C12orf42: variants seen among roughly 807,000 people sequenced by gnomAD.
C12orf42 encodes chromosome 12 open reading frame 42.
A neutral mutation model predicts 21.6 loss-of-function variants in C12orf42; 25 were observed. That is an observed-to-expected ratio of 1.16 (90% confidence interval 0.84 to 1.62). The LOEUF (loss-of-function observed/expected upper bound fraction) is 1.62, where lower values mean the gene tolerates loss of function less well. Ranked by LOEUF, C12orf42 falls within the 40% of genes most tolerant of loss-of-function variation. C12orf42 has a pLI of 0.00. For missense variants in C12orf42, 483 were observed against 459.3 expected, an observed-to-expected ratio of 1.05 and a Z score of -0.47; for synonymous variants, 174 against 175.0, an observed-to-expected ratio of 0.99 and a Z score of 0.05.
At chr12:103,162,645 C>T in the C12orf42 span, 1 of 152,016 alleles carries the variant, frequency 6.6e-6, no homozygotes, top group African/African-American at 2.4e-5. Flanking sequence ...CTGCATGACT[C>T]CAAAGGCAGG....
At chr12:103,097,259 T>C in the C12orf42 span, among the ~76,000 whole-genome samples, 1 of 150,248 alleles carries the variant, frequency 6.7e-6, no homozygotes, top group Non-Finnish European at 1.5e-5. Context: ...GCCGGTGGGT[T>C]TGGAGATGAT....
chr12:103,278,357 T>C (rs2035903750), intron 4 of C12orf42, among the ~76,000 whole-genome samples: 1 of 152,224 alleles, frequency 6.6e-6, no homozygotes, highest in Non-Finnish European at 1.5e-5. Flanking sequence ...TCTCTGTTTT[T>C]TCTCCACTAA....
the C12orf42 span, among the ~76,000 whole-genome samples, chr12:103,204,127 G>A: frequency 5.3e-5 from 8 of 152,086 alleles, no homozygotes; most frequent in African/African-American, 1.9e-4. Context: ...GAGATGCACA[G>A]GGGAAAAGGA....
At chr12:103,113,012 G>C in the C12orf42 span, among the ~76,000 whole-genome samples, 1 of 152,130 alleles carries the variant, frequency 6.6e-6, no homozygotes, top group Non-Finnish European at 1.5e-5. Context: ...TGAACTTGTA[G>C]AGTCCCAAGG....
chr12:103,187,577 G>A, the C12orf42 span, among the ~76,000 whole-genome samples: 1 of 152,186 alleles, frequency 6.6e-6, no homozygotes, highest in South Asian at 2.1e-4. Context: ...GCCAATGTAT[G>A]GTCTTTTCAT....
At chr12:103,176,963 A>AT in the C12orf42 span, among the ~76,000 whole-genome samples, 1 of 152,106 alleles carries the variant, frequency 6.6e-6, no homozygotes, top group Admixed American at 6.5e-5. Flanking sequence ...GAAGCCAGCC[A>AT]TAAAAAAAAA....
chr12:103,102,414 T>C, the C12orf42 span, among the ~76,000 whole-genome samples: 2 of 152,214 alleles, frequency 1.3e-5, no homozygotes, highest in Non-Finnish European at 2.9e-5. Flanking sequence ...AGTGTTAATC[T>C]AGATCTGTCT....
intron 4 of C12orf42, among the ~76,000 whole-genome samples, chr12:103,357,735 G>C (rs2043716145): frequency 1.3e-5 from 2 of 152,030 alleles, no homozygotes; most frequent in South Asian, 2.1e-4. Context: ...AGTTCAGCCA[G>C]GTGCTATATT....
At chr12:103,327,213 T>G (rs141275799) in intron 4 of C12orf42, among the ~76,000 whole-genome samples, 1 of 152,256 alleles carries the variant, frequency 6.6e-6, no homozygotes, top group East Asian at 1.9e-4. Flanking sequence ...CCTAAAGAAG[T>G]GGTTTTCAAG....
chr12:103,469,341 C>T (rs929939391), intron 2 of C12orf42, among the ~76,000 whole-genome samples: 1 of 152,142 alleles, frequency 6.6e-6, no homozygotes, highest in African/African-American at 2.4e-5. Context: ...AAAAATAATA[C>T]ACATTCATTA....
At chr12:103,221,773 A>C in the C12orf42 span, among the ~76,000 whole-genome samples, 1 of 152,128 alleles carries the variant, frequency 6.6e-6, no homozygotes, top group Admixed American at 6.5e-5. Context: ...ACGTGAGGAG[A>C]GTTCTTTTCC....
At chr12:103,071,097 TG>T in the C12orf42 span, among the ~76,000 whole-genome samples, 2 of 152,122 alleles carry the variant, frequency 1.3e-5, no homozygotes, top group Admixed American at 6.6e-5. Flanking sequence ...AATAGCTCCA[TG>T]GTTACCCAAG....
intron 2 of C12orf42, among the ~76,000 whole-genome samples, chr12:103,440,436 A>C (rs1301961474): frequency 6.9e-6 from 1 of 144,090 alleles, no homozygotes; most frequent in Non-Finnish European, 1.5e-5. Flanking sequence ...TAAAATAAAT[A>C]AATAAAAGCC....
chr12:103,416,195 A>T (rs2049314862), intron 2 of C12orf42, among the ~76,000 whole-genome samples: 1 of 150,822 alleles, frequency 6.6e-6, no homozygotes, highest in Non-Finnish European at 1.5e-5. Flanking sequence ...ATTTTCATAA[A>T]ATAATGCAAA....
intron 4 of C12orf42, among the ~76,000 whole-genome samples, chr12:103,326,622 A>AG (rs2040739861): frequency 6.6e-6 from 1 of 152,090 alleles, no homozygotes; most frequent in South Asian, 2.1e-4. Context: ...GTTCCTACCC[A>AG]GGTTCCATGC....
At chr12:103,219,208 T>C in the C12orf42 span, among the ~76,000 whole-genome samples, 2 of 152,230 alleles carry the variant, frequency 1.3e-5, no homozygotes, top group Non-Finnish European at 2.9e-5. Flanking sequence ...TGTTTCCATA[T>C]GCAGAAAACT....
At chr12:103,062,899 C>T in the C12orf42 span, among the ~76,000 whole-genome samples, 1 of 152,094 alleles carries the variant, frequency 6.6e-6, no homozygotes, top group African/African-American at 2.4e-5. Flanking sequence ...TAAATATTTT[C>T]ACCATGTCTC....
chr12:103,322,495 G>T (rs138206541), intron 4 of C12orf42, among the ~76,000 whole-genome samples: 76 of 152,294 alleles, frequency 5.0e-4, no homozygotes, highest in African/African-American at 1.7e-3. Flanking sequence ...CATGCAGGAA[G>T]AATGAGAGGC....
the C12orf42 span, among the ~76,000 whole-genome samples, chr12:103,197,006 G>C: frequency 2.1e-3 from 324 of 152,250 alleles, 1 homozygote; most frequent in African/African-American, 7.2e-3. Context: ...TTGATGTATA[G>C]TGTCATTGGT....
Sources: gnomAD v4.1 joint callset for allele counts (sites outside exome capture counted in the v4.1 genomes callset) on GRCh38, gnomAD v4.1.1 for gene constraint, MANE v1.5 for transcripts, NCBI Gene and HGNC (gene_info 2026-07-23, HGNC 2026-07-21) for gene names.